CCDC85A: variants seen among roughly 807,000 people sequenced by gnomAD.
CCDC85A encodes the protein coiled-coil domain-containing protein 85A.
CCDC85A carries 38 observed loss-of-function variants against 50.2 expected under a neutral mutation model. The observed-to-expected ratio is 0.76, with a 90% CI of 0.58 to 0.99. The LOEUF is 0.99. Ranked by LOEUF, CCDC85A falls within the 50% of genes least tolerant of loss-of-function variation. The pLI is 0.00. For missense variants in CCDC85A, 820 were observed against 742.0 expected (o/e 1.11, Z -1.22); for synonymous variants, 366 against 301.4 (o/e 1.21, Z -2.22).
At chr2:56,276,272 T>TTTTA (rs753521904) in intron 2 of CCDC85A, among the ~76,000 whole-genome samples, 15 of 152,098 alleles carry the variant, frequency 9.9e-5, no homozygotes, top group Non-Finnish European at 2.2e-4. Context: ...TTTGAGTGCT[T>TTTTA]TTTATTTTGC....
intron 2 of CCDC85A, among the ~76,000 whole-genome samples, chr2:56,251,920 A>C (rs1167037205): frequency 6.6e-6 from 1 of 151,002 alleles, no homozygotes; most frequent in Admixed American, 6.6e-5. Flanking sequence ...TTATTATTAT[A>C]CTTTAAGTTT....
chr2:56,242,896 G>A lies in CCDC85A; in HGVS notation c.1240+49456G>A, dbSNP rs138886560. On this transcript the variant is annotated intron_variant, in intron 2 of 5. Coordinates refer to ENST00000407595, the MANE Select transcript of CCDC85A (RefSeq NM_001080433.2). ...TTCTGTTAGTAATTTATAGTTTGAG[G>A]TATTAGACTTAAGTCTTTATTTTGA... Among the ~76,000 whole-genome samples, 889 of 152,138 alleles carry A rather than the reference G, an allele frequency of 5.8e-3. 5 individuals are homozygous for A. The highest frequency in any genetic ancestry group is 0.027 in the Middle Eastern group (8 of 294).
intron 2 of CCDC85A, among the ~76,000 whole-genome samples, chr2:56,290,893 G>A (rs150783445): frequency 1.3e-5 from 2 of 152,102 alleles, no homozygotes; most frequent in Non-Finnish European, 1.5e-5. Context: ...ACAAAGTCAG[G>A]TTTCCTTACT....
intron 2 of CCDC85A, 74 bp downstream of exon 2, chr2:56,193,514 C>A (rs1028914549): frequency 2.1e-6 from 3 of 1,457,836 alleles, no homozygotes; most frequent in South Asian, 2.8e-5. Context: ...GATGGACTTT[C>A]CAGCCATGTA....
chr2:56,321,738 A>T (rs906555711), intron 2 of CCDC85A, among the ~76,000 whole-genome samples: 9 of 152,212 alleles, frequency 5.9e-5, no homozygotes, highest in African/African-American at 2.2e-4. Flanking sequence ...TCTAGATTCA[A>T]TTCCATCCCC....
chr2:56,382,595 C>T (rs2104410002), intron 5 of CCDC85A, among the ~76,000 whole-genome samples: 1 of 152,096 alleles, frequency 6.6e-6, no homozygotes, highest in South Asian at 2.1e-4. Flanking sequence ...CCTGATTGGT[C>T]ATCTCAGTCA....
chr2:56,340,876 CAAAAAAA>C (rs61603853), intron 2 of CCDC85A, among the ~76,000 whole-genome samples: 1 of 58,228 alleles, frequency 1.7e-5, no homozygotes, highest in Non-Finnish European at 3.3e-5. Flanking sequence ...AACTCCATCT[CAAAAAAA>C]AAAAAAAAAA....
chr2:56,383,601 G>C, intron 5 of CCDC85A: 3 of 984,910 alleles, frequency 3.0e-6, no homozygotes, highest in Non-Finnish European at 3.6e-6. Context: ...CCTACATTTG[G>C]ATGCTTTGTG....
chr2:56,276,385 G>A (rs1418824065), intron 2 of CCDC85A, among the ~76,000 whole-genome samples: 1 of 152,066 alleles, frequency 6.6e-6, no homozygotes, highest in Admixed American at 6.6e-5. Context: ...CGGTTTGACT[G>A]TATCCCCACC....
At chr2:56,382,750 T>C (rs1441635953) in intron 5 of CCDC85A, among the ~76,000 whole-genome samples, 3 of 152,054 alleles carry the variant, frequency 2.0e-5, no homozygotes, top group Non-Finnish European at 4.4e-5. Flanking sequence ...TTAAGCTCAT[T>C]GTGTTCCACA....
intron 2 of CCDC85A, among the ~76,000 whole-genome samples, chr2:56,253,796 G>A (rs1669870342): frequency 6.6e-6 from 1 of 152,138 alleles, no homozygotes; most frequent in African/African-American, 2.4e-5. Context: ...TGATTTCTAA[G>A]TTTCTGCTTG....
intron 2 of CCDC85A, among the ~76,000 whole-genome samples, chr2:56,196,542 T>A (rs575707481): frequency 6.6e-6 from 1 of 152,358 alleles, no homozygotes; most frequent in South Asian, 2.1e-4. Context: ...CAAAAATGTT[T>A]CCTTCCACAA....
At chr2:56,356,321 T>A (rs1675223265) in intron 3 of CCDC85A, among the ~76,000 whole-genome samples, 1 of 152,258 alleles carries the variant, frequency 6.6e-6, no homozygotes, top group Non-Finnish European at 1.5e-5. Flanking sequence ...CAATTTTTGT[T>A]TGGAACAAGC....
rs1676318164 is a variant in CCDC85A, at chr2:56,192,047, A to G, written c.277-430A>G. Among the ~76,000 whole-genome samples, 1 of 152,176 alleles carries G rather than the reference A, an allele frequency of 6.6e-6. No homozygotes were observed. The highest frequency in any genetic ancestry group is 2.1e-4 in the South Asian group (1 of 4,832). ...TGGTTGCTCCCTAACTACTGACCAG[A>G]TGAACTTGGACAAGTGAAGCTTTGT... is the stretch of plus-strand genomic sequence containing the variant. On this transcript the variant is annotated intron_variant, in intron 1 of 5. Transcript: ENST00000407595. This position sits in a 1 kb window ranked among gnomAD's most constrained non-coding sequence, Gnocchi z 4.7.
chr2:56,215,577 G>GTT (rs11295380), intron 2 of CCDC85A, among the ~76,000 whole-genome samples: 105 of 136,934 alleles, frequency 7.7e-4, no homozygotes, highest in African/African-American at 2.0e-3. Context: ...TTTGCTGATA[G>GTT]TTTTTTTTTT....
chr2:56,202,843 A>G (rs1441456153), intron 2 of CCDC85A, among the ~76,000 whole-genome samples: 2 of 152,172 alleles, frequency 1.3e-5, no homozygotes, highest in Non-Finnish European at 2.9e-5. Context: ...TAGACAGCAA[A>G]TGCCAATTCA....
At chr2:56,347,684 A>G (rs574234033) in intron 3 of CCDC85A, among the ~76,000 whole-genome samples, 246 of 152,318 alleles carry the variant, frequency 1.6e-3, no homozygotes, top group African/African-American at 5.4e-3. Context: ...AGAATGTGGT[A>G]AGAGAGGGCC....
chr2:56,193,417 G>A lies in CCDC85A; in HGVS notation c.1217G>A (p.Arg406Gln). 1.2e-6 allele frequency: 2 copies of A among 1,608,610 alleles called. No individual in the cohort carries two copies. Among genetic ancestry groups the A allele is most frequent in the Admixed American group, 1.7e-5 (1 of 59,440 alleles). The change falls in exon 2 of 6, where the codon CGG becomes CAG. Residue 406 changes from arginine (R) to glutamine (Q), a missense_variant. Coordinates refer to ENST00000407595, the MANE Select transcript of CCDC85A (RefSeq NM_001080433.2). ...CAGGAGGACGGGTCACCCCATCACCGGAATGTCTACAGTGGCATGAACGGT... is the reference window on the plus strand; with the variant it reads ...CAGGAGGACGGGTCACCCCATCACCAGAATGTCTACAGTGGCATGAACGGT... ...QAQEDGSPHH[R>Q]NVYSGMNEST...
intron 2 of CCDC85A, among the ~76,000 whole-genome samples, chr2:56,299,494 A>G (rs1672106003): frequency 6.6e-6 from 1 of 152,162 alleles, no homozygotes; most frequent in Non-Finnish European, 1.5e-5. Flanking sequence ...TCTGGAGCCC[A>G]GACGTCTTTT....
Sources: gnomAD v4.1 joint callset for allele counts (sites outside exome capture counted in the v4.1 genomes callset) on GRCh38, gnomAD v4.1.1 for gene constraint, Gnocchi (gnomAD v3.1) non-coding constraint, MANE v1.5 for transcripts, NCBI Gene and HGNC (gene_info 2026-07-23, HGNC 2026-07-21) for gene names.